The following HCN2 variants were observed in gnomAD, a reference collection of about 807,000 sequenced individuals.
HCN2 encodes the protein hyperpolarization activated cyclic nucleotide gated potassium and sodium channel 2.
Under a neutral mutation model 52.3 loss-of-function variants are expected in HCN2, and 20 were observed. The ratio of observed to expected loss-of-function variants is 0.38; its 90% CI spans 0.27 to 0.56. HCN2 has a LOEUF of 0.56. HCN2 is among the 20% of genes least tolerant of loss of function. HCN2 has a pLI of 0.71. For missense variants in HCN2, 981 were observed against 1,207.7 expected, an observed-to-expected ratio of 0.81 and a Z score of 2.78; for synonymous variants, 694 against 537.0, an observed-to-expected ratio of 1.29 and a Z score of -4.04.
intron 1 of HCN2, among the ~76,000 whole-genome samples, chr19:596,942 G>T (rs569913884): frequency 2.6e-5 from 4 of 152,178 alleles, no homozygotes; most frequent in Admixed American, 2.0e-4. Flanking sequence ...AGACAGTGAC[G>T]CCCTGCAGGG....
At chr19:595,309 G>A (rs892609829) in intron 1 of HCN2, among the ~76,000 whole-genome samples, 7 of 100,602 alleles carry the variant, frequency 7.0e-5, no homozygotes, top group South Asian at 3.0e-4. Context: ...GTTCAGCCTC[G>A]CACCCTGTGC....
At chr19:606,393 G>A (rs962116941) in intron 3 of HCN2, among the ~76,000 whole-genome samples, 7 of 151,594 alleles carry the variant, frequency 4.6e-5, no homozygotes, top group Middle Eastern at 3.2e-3. Context: ...GAGCCACCGC[G>A]CCCGGCCTGG....
rs1195612173 is a variant in HCN2, at chr19:616,982, CCAGCACTGGCACCGAGAGG to C, written c.*512_*530del. The stretch of plus-strand genomic sequence containing the variant: ...TCGGGGAGCAGCACCCCGCCTCCCT[CCAGCACTGGCACCGAGAGG>C]CAGGCCTGGCTGCGCAGGGCGCGGG... On this transcript the variant is annotated 3_prime_UTR_variant, in exon 8 of 8. Transcript: ENST00000251287. 1.0e-5 allele frequency: 5 copies of C among 484,490 alleles called. No individual in the cohort carries two copies. The highest frequency in any genetic ancestry group is 2.0e-5 in the African/African-American group (1 of 50,918). 30.0% of individuals were successfully genotyped at this position (484,490 alleles called of 1,614,324 possible).
At chr19:610,809 C>T (rs1983599848) in intron 5 of HCN2, among the ~76,000 whole-genome samples, 1 of 152,150 alleles carries the variant, frequency 6.6e-6, no homozygotes, top group South Asian at 2.1e-4. Context: ...CCCAGGGTTG[C>T]GGGAACAAAT....
In HCN2 at chr19:592,367, G is replaced by C. The variant is rs1375683829; in HGVS notation, c.632+1790G>C. On this transcript the variant is annotated intron_variant, in intron 1 of 7. Coordinates refer to ENST00000251287, the MANE Select transcript of HCN2 (RefSeq NM_001194.4). The surrounding 1 kb of genome is among the most constrained non-coding windows in gnomAD (Gnocchi z 4.8). Reference sequence around the variant, plus strand: ...CTGCAGAGGGGCGGTCGGTGGCCTGGGGGGCAGGTGGGCAGATGGCTGATC... The same window carrying C: ...CTGCAGAGGGGCGGTCGGTGGCCTGCGGGGCAGGTGGGCAGATGGCTGATC... 6.6e-6 allele frequency among the ~76,000 whole-genome samples: 1 copy of C among 152,236 alleles called. No individual in the cohort carries two copies. The highest frequency in any genetic ancestry group is 1.5e-5 in the Non-Finnish European group (1 of 68,030).
At chr19:601,370 G>A (rs1049107424) in intron 1 of HCN2, among the ~76,000 whole-genome samples, 6 of 152,184 alleles carry the variant, frequency 3.9e-5, no homozygotes, top group African/African-American at 4.8e-5. Context: ...GGGCATCTGC[G>A]CCGTGGCCTG....
At chr19:604,444 G>A (rs1983330900) in intron 2 of HCN2, among the ~76,000 whole-genome samples, 2 of 143,724 alleles carry the variant, frequency 1.4e-5, no homozygotes, top group South Asian at 2.3e-4. Context: ...CAGGGGCAGG[G>A]CTATGATGCT....
intron 1 of HCN2, among the ~76,000 whole-genome samples, chr19:602,610 CCGCCCTGCCT>C (rs1474065458): frequency 6.6e-6 from 1 of 152,216 alleles, no homozygotes; most frequent in Admixed American, 6.5e-5. Context: ...CCTGTGCGCG[CCGCCCTGCCT>C]CGCCCTGCTG....
At chr19:596,509 C>T (rs905250402) in intron 1 of HCN2, among the ~76,000 whole-genome samples, 12 of 152,228 alleles carry the variant, frequency 7.9e-5, no homozygotes, top group South Asian at 2.1e-4. Flanking sequence ...GCAGGACCCC[C>T]GCGTTTCCGA....
intron 6 of HCN2, 56 bp from the exon 7 acceptor site, chr19:613,796 G>T (rs1209691468): frequency 1.4e-6 from 2 of 1,437,112 alleles, no homozygotes; most frequent in African/African-American, 1.5e-5. Flanking sequence ...TGCCTGGGCG[G>T]GGAGGGCCGC....
At position 605,091 on chromosome 19, in the gene HCN2, G is replaced by A; in HGVS notation, c.1087G>A (p.Ala363Thr). The stretch of plus-strand genomic sequence containing the variant: ...CCACATGACCTATGACCTGGCCAGC[G>A]CGGTGATGAGGATCTGCAATCTCAT... The part of the protein sequence containing the change: ...IFHMTYDLAS[A>T]VMRICNLISM... The change falls in exon 3 of 8, where the codon GCG becomes ACG. Residue 363 changes from alanine to threonine, a missense_variant. Ala to Thr is a moderately conservative substitution (Grantham distance 58, BLOSUM62 0). Coordinates refer to ENST00000251287, the MANE Select transcript of HCN2 (RefSeq NM_001194.4). 3 of 1,611,864 alleles carry A rather than the reference G, an allele frequency of 1.9e-6. No individual in the cohort carries two copies. Among genetic ancestry groups the A allele is most frequent in the African/African-American group, 1.3e-5 (1 of 74,924 alleles).
rs1202849185 is a variant in HCN2, at chr19:605,353, A to T, written c.1218+131A>T. ...GAGGTGGGGACCCAGGCGCCCCCTTATGGAGGGGAGGACTCGGGCCCTTAC... is the reference window on the plus strand; with the variant it reads ...GAGGTGGGGACCCAGGCGCCCCCTTTTGGAGGGGAGGACTCGGGCCCTTAC... On this transcript the variant is annotated intron_variant, in intron 3 of 7. Transcript: ENST00000251287. 3.8e-5 allele frequency: 21 copies of T among 556,616 alleles called. 2 individuals carry two copies. The highest frequency in any genetic ancestry group is 2.7e-5 in the South Asian group (1 of 36,798). 34.5% of individuals were successfully genotyped at this position (556,616 alleles called of 1,614,324 possible). A position where few individuals can be genotyped will look rare whatever the true frequency, so the allele number is the denominator to read the frequency against.
Position 592,875 on chromosome 19 carries a change from A to G in HCN2, c.632+2298A>G, listed in dbSNP as rs777395248. Among the ~76,000 whole-genome samples, 21 of 152,162 alleles carry G rather than the reference A, an allele frequency of 1.4e-4. No homozygotes were observed. The highest frequency in any genetic ancestry group is 2.7e-4 in the African/African-American group (11 of 41,440). On this transcript the variant is annotated intron_variant, in intron 1 of 7. Transcript: ENST00000251287. The surrounding 1 kb of genome is among the most constrained non-coding windows in gnomAD (Gnocchi z 4.8). Reference sequence around the variant, plus strand: ...CAGCTGACTCAGGAGCCTGGCCCCAACTGGCTTCGGGCCCAAGGCCTCCTG... The same window carrying G: ...CAGCTGACTCAGGAGCCTGGCCCCAGCTGGCTTCGGGCCCAAGGCCTCCTG...
At chr19:612,817 C>T (rs952348789) in intron 5 of HCN2, among the ~76,000 whole-genome samples, 1 of 147,840 alleles carries the variant, frequency 6.8e-6, no homozygotes, top group African/African-American at 2.5e-5. Context: ...ACTGCAGCCT[C>T]GACTTCCTGC....
At chr19:606,900 G>A (rs186006914) in intron 3 of HCN2, among the ~76,000 whole-genome samples, 14 of 146,036 alleles carry the variant, frequency 9.6e-5, no homozygotes, top group East Asian at 4.1e-4. Context: ...GGCCGGGCGC[G>A]GTGGCTCACG....
intron 5 of HCN2, among the ~76,000 whole-genome samples, chr19:612,729 T>C (rs1387498416): frequency 1.6e-5 from 2 of 121,724 alleles, no homozygotes; most frequent in Non-Finnish European, 3.5e-5. Flanking sequence ...TTTTCCCCCA[T>C]TTTCTTTTTT....
rs1369367277 is a variant in HCN2 at position 603,702 on chromosome 19, G to A, written c.791G>A (p.Arg264His). Residue 264 changes from arginine (R) to histidine (H), a missense_variant, in exon 2 of 8, where the codon CGC becomes CAC. By Grantham distance (29) the Arg-to-His change is conservative. Coordinates refer to ENST00000251287, the MANE Select transcript of HCN2 (RefSeq NM_001194.4). ...CTCATGGACCTGGTGTTGAACTTCC[G>A]CACCGGCATTGTGATCGAGGACAAC... ...FFLMDLVLNF[R>H]TGIVIEDNTE... 12 of 1,612,768 alleles carry A rather than the reference G, an allele frequency of 7.4e-6. No individual in the cohort carries two copies. Among genetic ancestry groups the A allele is most frequent in the Non-Finnish European group, 1.0e-5 (12 of 1,179,744 alleles).
At chr19:607,605 G>A (rs527625209) in intron 3 of HCN2, among the ~76,000 whole-genome samples, 6 of 152,302 alleles carry the variant, frequency 3.9e-5, no homozygotes, top group Admixed American at 2.6e-4. Flanking sequence ...GTCTCTGCCC[G>A]CCCTGCCCCT....
At chr19:614,929 G>T (rs1037013432) in intron 7 of HCN2, among the ~76,000 whole-genome samples, 1 of 152,136 alleles carries the variant, frequency 6.6e-6, no homozygotes, top group East Asian at 1.9e-4. Context: ...TGGCTGAAAC[G>T]CAGGACAGGT....
Sources: gnomAD v4.1 joint callset for allele counts (sites outside exome capture counted in the v4.1 genomes callset) on GRCh38, gnomAD v4.1.1 for gene constraint, Gnocchi (gnomAD v3.1) non-coding constraint, MANE v1.5 for transcripts, NCBI Gene and HGNC (gene_info 2026-07-23, HGNC 2026-07-21) for gene names.